Variants in PCDH7 observed in about 807,000 individuals in gnomAD.
The protein encoded by PCDH7 is protocadherin 7.
In PCDH7, 17 loss-of-function variants were observed where a neutral mutation model predicts 58.9. That is an observed-to-expected ratio of 0.29 (90% CI 0.20 to 0.43). The LOEUF (loss-of-function observed/expected upper bound fraction) is 0.43. PCDH7 is among the 20% of genes least tolerant of loss of function. The probability of loss-of-function intolerance (pLI) is 1.00; values close to 1 mark genes in which losing one functional copy is unlikely to be tolerated. For synonymous variants in PCDH7, 664 were observed against 616.4 expected, an observed-to-expected ratio of 1.08 and a Z score of -1.14; for missense variants, 1,274 against 1,441.0, an observed-to-expected ratio of 0.88 and a Z score of 1.88.
intron 1 of PCDH7, among the ~76,000 whole-genome samples, chr4:30,773,597 C>G (rs192835649): frequency 6.6e-6 from 1 of 152,046 alleles, no homozygotes; most frequent in East Asian, 1.9e-4. Context: ...TTATACAAGA[C>G]TCTAGAAGTC....
At chr4:31,085,342 CG>C (rs1560211117) in intron 3 of PCDH7, among the ~76,000 whole-genome samples, 1 of 151,952 alleles carries the variant, frequency 6.6e-6, no homozygotes, top group East Asian at 1.9e-4. Flanking sequence ...TAGGGAGAGT[CG>C]GAATCTTGTA....
At chr4:30,953,338 T>C (rs1480339440) in intron 3 of PCDH7, among the ~76,000 whole-genome samples, 1 of 152,308 alleles carries the variant, frequency 6.6e-6, no homozygotes, top group East Asian at 1.9e-4. Context: ...TCATAATGTC[T>C]AGATATCTAA....
intron 1 of PCDH7, among the ~76,000 whole-genome samples, chr4:30,892,630 C>T (rs747878775): frequency 1.8e-4 from 28 of 151,860 alleles, no homozygotes; most frequent in Non-Finnish European, 2.5e-4. Context: ...CTTAGTACAT[C>T]GGGTGCTTTT....
chr4:30,739,688 G>A (rs1429308922), intron 1 of PCDH7, among the ~76,000 whole-genome samples: 1 of 152,086 alleles, frequency 6.6e-6, no homozygotes, highest in East Asian at 1.9e-4. Context: ...ATGTATTTAT[G>A]TGTAGTGGAC....
At chr4:30,765,517 A>T (rs1177338359) in intron 1 of PCDH7, among the ~76,000 whole-genome samples, 1 of 152,146 alleles carries the variant, frequency 6.6e-6, no homozygotes, top group Non-Finnish European at 1.5e-5. Context: ...CTGATTTTGC[A>T]CTTTCATGGG....
At position 30,854,818 on chromosome 4, in the gene PCDH7, A is replaced by C. The variant is rs186729822; in HGVS notation, c.71-65335A>C. ...GAAGAGGAGGGTTGTGGGTAGTGGG[A>C]TGATGGCCATAATACATTTCCTAGG... On this transcript the variant is annotated intron_variant, in intron 1 of 3. Transcript: ENST00000509759. 2.1e-3 allele frequency among the ~76,000 whole-genome samples: 326 copies of C among 152,202 alleles called. 1 individual carries two copies. Among genetic ancestry groups the C allele is most frequent in the South Asian group, 3.9e-3 (19 of 4,820 alleles).
chr4:30,725,495 G>C (rs1182561014), intron 1 of PCDH7, among the ~76,000 whole-genome samples: 1 of 152,092 alleles, frequency 6.6e-6, no homozygotes, highest in African/African-American at 2.4e-5. Context: ...CATATATTCT[G>C]AGGCGGAACT....
intron 3 of PCDH7, among the ~76,000 whole-genome samples, chr4:31,067,243 C>T (rs1446223787): frequency 6.6e-6 from 1 of 151,918 alleles, no homozygotes; most frequent in Non-Finnish European, 1.5e-5. Context: ...GTGTTTTTTA[C>T]TAACTCCATA....
At chr4:31,123,991 C>G (rs1056267651) in intron 3 of PCDH7, among the ~76,000 whole-genome samples, 3 of 152,158 alleles carry the variant, frequency 2.0e-5, no homozygotes, top group African/African-American at 7.2e-5. Flanking sequence ...TCTCTTCTTT[C>G]CTTCTCTGCC....
chr4:30,887,246 A>AT (rs1737950304), intron 1 of PCDH7, among the ~76,000 whole-genome samples: 1 of 152,100 alleles, frequency 6.6e-6, no homozygotes, highest in Non-Finnish European at 1.5e-5. Context: ...AGGATATTTG[A>AT]TTTTTTTGAA....
intron 3 of PCDH7, among the ~76,000 whole-genome samples, chr4:31,100,089 C>G (rs1037670535): frequency 6.6e-6 from 1 of 152,082 alleles, no homozygotes; most frequent in African/African-American, 2.4e-5. Flanking sequence ...ATAAAAACCT[C>G]CACAGCTAAA....
At chr4:30,773,243 G>T (rs187653880) in intron 1 of PCDH7, among the ~76,000 whole-genome samples, 41 of 152,268 alleles carry the variant, frequency 2.7e-4, no homozygotes, top group Non-Finnish European at 4.7e-4. Flanking sequence ...GCTAAAAGTT[G>T]AGTGTGTTTT....
intron 1 of PCDH7, among the ~76,000 whole-genome samples, chr4:30,776,459 A>G (rs1722082393): frequency 6.6e-6 from 1 of 152,238 alleles, no homozygotes; most frequent in Non-Finnish European, 1.5e-5. Context: ...AAGCAATCTA[A>G]ATAGTGCAGA....
chr4:30,941,895 G>A (rs1298194242), intron 2 of PCDH7, among the ~76,000 whole-genome samples: 1 of 151,930 alleles, frequency 6.6e-6, no homozygotes, highest in Non-Finnish European at 1.5e-5. Context: ...GATGTGAGAA[G>A]TTATAAAATA....
chr4:31,100,909 A>G (rs745602217), intron 3 of PCDH7, among the ~76,000 whole-genome samples: 1 of 152,210 alleles, frequency 6.6e-6, no homozygotes. Context: ...ATTTCTGCCT[A>G]GATCATTCTC....
chr4:31,081,629 T>C (rs1759516646), intron 3 of PCDH7, among the ~76,000 whole-genome samples: 1 of 152,158 alleles, frequency 6.6e-6, no homozygotes, highest in African/African-American at 2.4e-5. Context: ...ATAGCTGAGA[T>C]TATGTGAGCT....
intron 2 of PCDH7, among the ~76,000 whole-genome samples, chr4:30,921,574 A>G (rs1743192975): frequency 6.6e-6 from 1 of 152,116 alleles, no homozygotes; most frequent in Non-Finnish European, 1.5e-5. Context: ...TTGGTTAAGA[A>G]AATATGATAT....
intron 3 of PCDH7, among the ~76,000 whole-genome samples, chr4:31,013,211 A>C (rs1311418261): frequency 1.3e-5 from 2 of 150,186 alleles, no homozygotes; most frequent in Non-Finnish European, 3.0e-5. Flanking sequence ...AAGAGTGGAA[A>C]CATTAAATTA....
intron 3 of PCDH7, among the ~76,000 whole-genome samples, chr4:31,044,013 G>T (rs1037989138): frequency 1.3e-5 from 2 of 152,180 alleles, no homozygotes; most frequent in African/African-American, 4.8e-5. Context: ...AATGATGAGA[G>T]AAAGGAGAGA....
Sources: allele counts gnomAD v4.1 joint callset (sites outside exome capture counted in the v4.1 genomes callset), GRCh38; gene constraint gnomAD v4.1.1; transcripts MANE v1.5; gene names NCBI Gene and HGNC (gene_info 2026-07-23, HGNC 2026-07-21).